The following HHLA1 variants were observed in gnomAD, a reference collection of about 807,000 sequenced individuals.
HHLA1 encodes HHLA1 neighbor of OC90.
A neutral mutation model predicts 69.9 loss-of-function variants in HHLA1; 72 were observed. That is an observed-to-expected ratio of 1.03 (90% CI 0.85 to 1.25). The LOEUF (loss-of-function observed/expected upper bound fraction) is 1.25, where lower values mean the gene tolerates loss of function less well. Among genes scored for constraint, HHLA1 ranks in the 50% most tolerant of loss-of-function variants. The pLI, the probability that HHLA1 is intolerant of heterozygous loss-of-function variation, is 0.00. For synonymous variants in HHLA1, 252 were observed against 233.2 expected (o/e 1.08, Z -0.73); for missense variants, 685 against 642.2 (o/e 1.07, Z -0.72).
intron 5 of HHLA1, among the ~76,000 whole-genome samples, chr8:132,097,151 T>C (rs1326676689): frequency 6.6e-6 from 1 of 152,184 alleles, no homozygotes; most frequent in Non-Finnish European, 1.5e-5. Flanking sequence ...GACTCTGTAT[T>C]TAATAAGCTC....
chr8:132,088,084 G>A (rs1823891819), intron 8 of HHLA1, among the ~76,000 whole-genome samples, 183 bp from the exon 9 acceptor site: 1 of 152,156 alleles, frequency 6.6e-6, no homozygotes, highest in Admixed American at 6.5e-5. Flanking sequence ...CTGGGTTTGG[G>A]GGATGGTGTA....
chr8:132,091,165 G>GC (rs1298042576), intron 7 of HHLA1, among the ~76,000 whole-genome samples: 1 of 152,178 alleles, frequency 6.6e-6, no homozygotes, highest in Non-Finnish European at 1.5e-5. Flanking sequence ...TATTCATCGA[G>GC]CATTTGCAGT....
chr8:132,085,058 G>A (rs564960300), intron 10 of HHLA1, among the ~76,000 whole-genome samples: 2 of 152,124 alleles, frequency 1.3e-5, no homozygotes, highest in Admixed American at 1.3e-4. Context: ...GGAGAGAAGG[G>A]GTTGGAGTAC....
chr8:132,079,873 C>T lies in HHLA1; in HGVS notation c.770G>A (p.Ser257Asn). 6.4e-7 allele frequency: 1 copy of T among 1,552,032 alleles called. No individual in the cohort carries two copies. Among genetic ancestry groups the T allele is most frequent in the Non-Finnish European group, 8.7e-7 (1 of 1,147,058 alleles). ...TCTCAGAGCAGATGCCCAGGGTGTG[C>T]TCTGGGTCCAGTGTCCGGGGCTTGT... is the stretch of plus-strand genomic sequence containing the variant. ...PSTSPGHWTQ[S>N]TPWASALRSS... Residue 257 changes from serine (S) to asparagine (N), a missense_variant, in exon 11 of 17, where the codon AGC becomes AAC. Physicochemically the swap from Ser to Asn is conservative, Grantham distance 46 (BLOSUM62 1). Transcript: ENST00000414222.
intron 10 of HHLA1, among the ~76,000 whole-genome samples, chr8:132,086,614 C>T (rs560467824): frequency 2.6e-4 from 39 of 152,116 alleles, no homozygotes; most frequent in Admixed American, 7.9e-4. Flanking sequence ...TTGAGACTGG[C>T]GTGTGTGTGT....
rs560581723 is a variant in HHLA1 at position 132,082,825 on chromosome 8, T to C, written c.677-2859A>G. ...AGGCAAAACAATTTCGTTGATAAGGTGCAGATCCTGAACTAACTTGTAAGG... is the reference window on the plus strand; with the variant it reads ...AGGCAAAACAATTTCGTTGATAAGGCGCAGATCCTGAACTAACTTGTAAGG... On this transcript the variant is annotated intron_variant, in intron 10 of 16. Coordinates refer to ENST00000414222, the MANE Select transcript of HHLA1 (RefSeq NM_001145095.3). 3.9e-5 allele frequency among the ~76,000 whole-genome samples: 6 copies of C among 152,144 alleles called. No individual in the cohort carries two copies. The East Asian group carries it at 7.7e-4, about 20-fold the overall frequency.
At chr8:132,101,345 G>A in intron 3 of HHLA1, 2 of 1,509,104 alleles carry the variant, frequency 1.3e-6, no homozygotes, top group Non-Finnish European at 1.8e-6. Context: ...AACATCCTTA[G>A]AAATCATCTT....
At chr8:132,104,271 G>A (rs1824167081) in intron 2 of HHLA1, 104 bp from the exon 3 acceptor site, 2 of 757,418 alleles carry the variant, frequency 2.6e-6, no homozygotes, top group Non-Finnish European at 4.4e-6. Context: ...TTATGATCTG[G>A]GGTTGTGAAG....
chr8:132,094,420 C>A (rs1183944483), intron 7 of HHLA1, among the ~76,000 whole-genome samples: 1 of 152,174 alleles, frequency 6.6e-6, no homozygotes, highest in Non-Finnish European at 1.5e-5. Context: ...ACACCCTCCC[C>A]ACTTTGCCCT....
At chr8:132,083,088 G>T (rs867817631) in intron 10 of HHLA1, among the ~76,000 whole-genome samples, 1 of 150,928 alleles carries the variant, frequency 6.6e-6, no homozygotes, top group African/African-American at 2.5e-5. Context: ...GGTTAAGGTG[G>T]GGGGGATACA....
intron 3 of HHLA1, among the ~76,000 whole-genome samples, chr8:132,100,412 A>G (rs1824093578): frequency 6.6e-6 from 1 of 152,186 alleles, no homozygotes; most frequent in African/African-American, 2.4e-5. Context: ...CCAAGTAGGA[A>G]AACTGAGGCC....
Position 132,076,424 on chromosome 8 carries a change from C to A in HHLA1, c.1240+51G>T, listed in dbSNP as rs372256754. 197 of 661,204 alleles carry A rather than the reference C, an allele frequency of 3.0e-4. No individual in the cohort carries two copies. The African/African-American group carries it at 3.3e-3, about 11-fold the overall frequency. The allele number at this position is 661,204 out of a possible 1,614,324, so 41.0% of individuals were successfully genotyped here. ...CACGCCCTTGTCCCCAAGCTTCCCA[C>A]CCCTCCCATCCCCCACCCCCAAACC... On this transcript the variant is annotated intron_variant, in intron 13 of 16. Transcript: ENST00000414222.
chr8:132,101,302 A>G, intron 3 of HHLA1: 1 of 1,549,166 alleles, frequency 6.5e-7, no homozygotes, highest in Non-Finnish European at 8.7e-7. Flanking sequence ...TGAATAAAAT[A>G]GTAACCTGAA....
chr8:132,067,308 C>T (rs1823458463), intron 15 of HHLA1, among the ~76,000 whole-genome samples: 1 of 152,160 alleles, frequency 6.6e-6, no homozygotes, highest in African/African-American at 2.4e-5. Context: ...ATGGGATGAA[C>T]TCACTGGAAT....
intron 10 of HHLA1, among the ~76,000 whole-genome samples, chr8:132,081,987 A>G (rs1248938177): frequency 6.6e-6 from 1 of 152,148 alleles, no homozygotes; most frequent in Non-Finnish European, 1.5e-5. Flanking sequence ...CCATCAATAA[A>G]TCAAGCGTGA....
intron 2 of HHLA1, among the ~76,000 whole-genome samples, chr8:132,104,512 T>A (rs1420901614): frequency 6.6e-6 from 1 of 152,194 alleles, no homozygotes; most frequent in Non-Finnish European, 1.5e-5. Flanking sequence ...AAGCCTTCCC[T>A]GAGAGGGGGC....
intron 11 of HHLA1, 127 bp downstream of exon 11, chr8:132,079,591 T>G: frequency 1.9e-6 from 2 of 1,038,892 alleles, no homozygotes; most frequent in South Asian, 3.5e-5. Flanking sequence ...GTTATTTAAG[T>G]AAGCTGAAGC....
chr8:132,069,564 A>G (rs1404583313), intron 15 of HHLA1: 6 of 152,244 alleles, frequency 3.9e-5, no homozygotes, highest in African/African-American at 1.4e-4. Flanking sequence ...TTTAAACTCA[A>G]ACTTCTCTCT....
At chr8:132,086,900 G>A (rs1383515326) in intron 10 of HHLA1, among the ~76,000 whole-genome samples, 1 of 152,220 alleles carries the variant, frequency 6.6e-6, no homozygotes, top group Non-Finnish European at 1.5e-5. Context: ...AAGTAATGAA[G>A]AGCCCACTAT....
Sources: gnomAD v4.1 joint callset for allele counts (sites outside exome capture counted in the v4.1 genomes callset) on GRCh38, gnomAD v4.1.1 for gene constraint, MANE v1.5 for transcripts, NCBI Gene and HGNC (gene_info 2026-07-23, HGNC 2026-07-21) for gene names.